ADAMTSL3: variants seen among roughly 807,000 people sequenced by gnomAD.
ADAMTSL3 encodes ADAMTS like 3.
In ADAMTSL3, 128 loss-of-function variants were observed where a neutral mutation model predicts 201.7. The ratio of observed to expected loss-of-function variants is 0.63; its 90% CI spans 0.55 to 0.73. The LOEUF is 0.73. Among genes scored for constraint, ADAMTSL3 ranks in the 30% least tolerant of loss-of-function variants. The pLI, the probability that ADAMTSL3 is intolerant of heterozygous loss-of-function variation, is 0.00. For missense variants in ADAMTSL3, 1,990 were observed against 2,119.6 expected, an observed-to-expected ratio of 0.94 and a Z score of 1.20; for synonymous variants, 738 against 748.4, an observed-to-expected ratio of 0.99 and a Z score of 0.23.
intron 17 of ADAMTSL3, among the ~76,000 whole-genome samples, chr15:83,935,731 C>T (rs1424749720): frequency 6.6e-6 from 1 of 152,038 alleles, no homozygotes; most frequent in Non-Finnish European, 1.5e-5. Flanking sequence ...AATTCACTGT[C>T]AGCCTAGAAT....
chr15:83,691,150 A>T (rs1644679698), intron 2 of ADAMTSL3, among the ~76,000 whole-genome samples: 1 of 152,196 alleles, frequency 6.6e-6, no homozygotes, highest in South Asian at 2.1e-4. Context: ...TTCTCATGAC[A>T]AAGGATACCA....
chr15:83,981,397 C>T (rs956034526), intron 20 of ADAMTSL3, among the ~76,000 whole-genome samples: 1 of 152,232 alleles, frequency 6.6e-6, no homozygotes. Context: ...TGCACCTGCC[C>T]TTGTCACCAG....
chr15:83,788,830 A>G (rs149759710), intron 4 of ADAMTSL3, among the ~76,000 whole-genome samples: 112 of 151,658 alleles, frequency 7.4e-4, no homozygotes, highest in African/African-American at 2.2e-3. Flanking sequence ...TTTTTTTGAG[A>G]CAGAGTCTTG....
At position 83,890,163 on chromosome 15, in the gene ADAMTSL3, C is replaced by T. The variant is rs867740396; in HGVS notation, c.1127C>T (p.Pro376Leu). The stretch of plus-strand genomic sequence containing the variant: ...GATATCCGCTTGAAGAGGGTAGTTC[C>T]TGACCATTATTGTCACTACTACCCT... ...CVDIRLKRVV[P>L]DHYCHYYPEN... The change falls in exon 11 of 30, where the codon CCT becomes CTT. Residue 376 changes from proline (P) to leucine (L), a missense_variant. Physicochemically the swap from Pro to Leu is moderately conservative, Grantham distance 98. Coordinates refer to ENST00000286744, the MANE Select transcript of ADAMTSL3 (RefSeq NM_207517.3). The T allele has an allele frequency of 6.2e-7, 1 of 1,613,974 alleles. No homozygotes were observed. Among genetic ancestry groups the T allele is most frequent in the African/African-American group, 1.3e-5 (1 of 75,042 alleles).
chr15:83,904,264 C>A (rs2065792500), intron 15 of ADAMTSL3, among the ~76,000 whole-genome samples: 2 of 151,950 alleles, frequency 1.3e-5, no homozygotes, highest in South Asian at 4.2e-4. Context: ...TGGCCTGGTC[C>A]TGGCCATCTA....
intron 8 of ADAMTSL3, among the ~76,000 whole-genome samples, chr15:83,868,855 A>G (rs1353492215): frequency 6.6e-6 from 1 of 152,200 alleles, no homozygotes. Context: ...TCTGTATTAA[A>G]AACAAAGTAT....
intron 6 of ADAMTSL3, among the ~76,000 whole-genome samples, chr15:83,835,544 G>A (rs988332174): frequency 7.9e-5 from 12 of 152,132 alleles, no homozygotes; most frequent in African/African-American, 2.4e-4. Context: ...CTAAGCCCAC[G>A]CCCTTCCTGG....
rs770183441 is a variant in ADAMTSL3 at position 83,982,978 on chromosome 15, C to G, written c.3350C>G (p.Ala1117Gly). 6.2e-7 allele frequency: 1 copy of G among 1,614,150 alleles called. No individual in the cohort carries two copies. Among genetic ancestry groups the G allele is most frequent in the East Asian group, 2.2e-5 (1 of 44,878 alleles). Residue 1117 changes from alanine to glycine, a missense_variant, in exon 21 of 30, where the codon GCG (alanine) becomes GGG (glycine). Transcript: ENST00000286744. Reference protein sequence around the residue: ...METGEVSDDLASQLIYQLVAE... With the variant: ...METGEVSDDLGSQLIYQLVAE... ...ACCGGAGAGGTCAGCGATGATCTTG[C>G]GTCCCAGCTGATATATCAGCTGGTG... is the stretch of plus-strand genomic sequence containing the variant.
chr15:83,869,049 C>G (rs1407764489), intron 8 of ADAMTSL3, among the ~76,000 whole-genome samples: 1 of 152,202 alleles, frequency 6.6e-6, no homozygotes, highest in Non-Finnish European at 1.5e-5. Context: ...GCAATTACTA[C>G]TCCAACACAG....
intron 27 of ADAMTSL3, among the ~76,000 whole-genome samples, chr15:84,026,289 A>G (rs2068305548): frequency 6.6e-6 from 1 of 152,182 alleles, no homozygotes; most frequent in Admixed American, 6.5e-5. Context: ...AAGATATAAA[A>G]CTACAAAATA....
At position 83,924,019 on chromosome 15, in the gene ADAMTSL3, G is replaced by A; in HGVS notation, c.2103G>A (p.Glu701=). The change falls in exon 17 of 30, where the codon GAG becomes GAA. Residue 701 remains glutamate, a synonymous_variant. Transcript: ENST00000286744. The part of the protein sequence containing the change: ...PPAMSQACNT[E]PCPPRWHVGS... ...CCATGAGCCAGGCCTGTAACACAGA[G>A]CCCTGTCCCCCCAGGTATGTGCTGT... 12 of 1,614,122 alleles carry A rather than the reference G, an allele frequency of 7.4e-6. No homozygotes were observed. Among genetic ancestry groups the A allele is most frequent in the Non-Finnish European group, 1.0e-5 (12 of 1,180,000 alleles).
chr15:83,921,315 A>G (rs1158186993), intron 16 of ADAMTSL3, among the ~76,000 whole-genome samples: 2 of 152,176 alleles, frequency 1.3e-5, no homozygotes, highest in Admixed American at 1.3e-4. Flanking sequence ...TTAATGTTCC[A>G]CGGATGCTTC....
intron 9 of ADAMTSL3, among the ~76,000 whole-genome samples, chr15:83,873,680 C>T (rs1281212713): frequency 6.9e-6 from 1 of 145,636 alleles, no homozygotes; most frequent in Non-Finnish European, 1.5e-5. Context: ...TGGCTGGCCA[C>T]ATACTTTTAT....
chr15:83,931,398 A>G (rs1027857720), intron 17 of ADAMTSL3, among the ~76,000 whole-genome samples: 1 of 152,218 alleles, frequency 6.6e-6, no homozygotes, highest in Non-Finnish European at 1.5e-5. Context: ...TTATCTAGCT[A>G]TACACTTGCT....
chr15:83,916,732 G>C (rs747096285), intron 16 of ADAMTSL3, among the ~76,000 whole-genome samples: 5 of 151,910 alleles, frequency 3.3e-5, no homozygotes, highest in Non-Finnish European at 7.4e-5. Flanking sequence ...GATCTCTTGA[G>C]GCCAGGAGTT....
rs1163935818 is a variant in ADAMTSL3, at chr15:83,982,462, A to C, written c.2834A>C (p.Gln945Pro). 14 of 1,614,200 alleles carry C rather than the reference A, an allele frequency of 8.7e-6. No homozygotes were observed. Among genetic ancestry groups the C allele is most frequent in the Non-Finnish European group, 1.2e-5 (14 of 1,180,030 alleles). The change falls in exon 21 of 30, where the codon CAG (glutamine) becomes CCG (proline). Residue 945 changes from glutamine (Q) to proline (P), a missense_variant. Physicochemically the swap from Gln to Pro is moderately conservative, Grantham distance 76. Coordinates refer to ENST00000286744, the MANE Select transcript of ADAMTSL3 (RefSeq NM_207517.3). Reference sequence around the variant, plus strand: ...CGACGATTCCAGAAATCTCTGATCCAGTGGGAGAAGGATGGCCGTTGCCTG... The same window carrying C: ...CGACGATTCCAGAAATCTCTGATCCCGTGGGAGAAGGATGGCCGTTGCCTG... ...PVRRFQKSLI[Q>P]WEKDGRCLQN...
At chr15:83,803,151 G>T (rs1437856072) in intron 4 of ADAMTSL3, among the ~76,000 whole-genome samples, 1 of 152,082 alleles carries the variant, frequency 6.6e-6, no homozygotes, top group Non-Finnish European at 1.5e-5. Context: ...CCTATAAATG[G>T]CAGAAACAGT....
At chr15:83,704,930 C>G (rs1263504363) in intron 3 of ADAMTSL3, among the ~76,000 whole-genome samples, 3 of 151,522 alleles carry the variant, frequency 2.0e-5, no homozygotes, top group Non-Finnish European at 4.4e-5. Flanking sequence ...CAGAAAGGAA[C>G]ACAGTGTGAA....
intron 3 of ADAMTSL3, among the ~76,000 whole-genome samples, chr15:83,740,956 A>G (rs1411261776): frequency 6.6e-6 from 1 of 152,138 alleles, no homozygotes; most frequent in Non-Finnish European, 1.5e-5. Context: ...CCAGCTGTTT[A>G]TTCCTTAGAA....
Sources: allele counts gnomAD v4.1 joint callset (sites outside exome capture counted in the v4.1 genomes callset), GRCh38; gene constraint gnomAD v4.1.1; transcripts MANE v1.5; gene names NCBI Gene and HGNC (gene_info 2026-07-23, HGNC 2026-07-21).